The following TMEM44 variants were observed in gnomAD, a reference collection of about 807,000 sequenced individuals.
TMEM44 encodes transmembrane protein 44.
A neutral mutation model predicts 47.8 loss-of-function variants in TMEM44; 43 were observed. The observed-to-expected ratio is 0.90, with a 90% confidence interval of 0.70 to 1.16. The LOEUF (loss-of-function observed/expected upper bound fraction) is 1.16. Among genes scored for constraint, TMEM44 ranks in the 50% most tolerant of loss-of-function variants. The pLI is 0.00. For synonymous variants in TMEM44, 277 were observed against 238.8 expected (o/e 1.16, Z -1.48); for missense variants, 568 against 555.2 (o/e 1.02, Z -0.23).
At chr3:194,590,127 A>G (rs1712455788) in intron 9 of TMEM44, 1 of 152,246 alleles carries the variant, frequency 6.6e-6, no homozygotes, top group African/African-American at 2.4e-5. Context: ...CAATCCTTAG[A>G]GGTTCCAGCG....
At chr3:194,600,008 C>A (rs1713895176) in intron 9 of TMEM44, among the ~76,000 whole-genome samples, 1 of 151,462 alleles carries the variant, frequency 6.6e-6, no homozygotes, top group Non-Finnish European at 1.5e-5. Context: ...AATCCACCCG[C>A]CTCAGCCTCC....
At chr3:194,621,430 G>A (rs775293417) in intron 5 of TMEM44, among the ~76,000 whole-genome samples, 2 of 152,104 alleles carry the variant, frequency 1.3e-5, no homozygotes, top group Non-Finnish European at 2.9e-5. Flanking sequence ...GTCAGGGCAC[G>A]GTGCCAGCTT....
chr3:194,625,438 G>GC (rs1717045692), intron 3 of TMEM44, among the ~76,000 whole-genome samples: 2 of 124,786 alleles, frequency 1.6e-5, no homozygotes. Context: ...TTTGGGGGGG[G>GC]GGGGTTGTTT....
chr3:194,593,600 G>C (rs964912189), intron 9 of TMEM44, among the ~76,000 whole-genome samples: 1 of 152,098 alleles, frequency 6.6e-6, no homozygotes, highest in Admixed American at 6.6e-5. Context: ...CAGGCATCAC[G>C]TCTGCCCTTG....
At chr3:194,595,278 C>T (rs188133829) in intron 9 of TMEM44, among the ~76,000 whole-genome samples, 2 of 152,296 alleles carry the variant, frequency 1.3e-5, no homozygotes, top group South Asian at 2.1e-4. Context: ...CCACTGCATA[C>T]GGCATTTTAA....
chr3:194,620,045 C>T (rs563429712), intron 5 of TMEM44, among the ~76,000 whole-genome samples: 2 of 152,120 alleles, frequency 1.3e-5, no homozygotes, highest in African/African-American at 4.8e-5. Flanking sequence ...AATCCCAGCA[C>T]TTTGGAAGGC....
chr3:194,623,218 C>A lies in TMEM44; in HGVS notation c.612+6G>T, dbSNP rs751257409. 2 of 1,604,940 alleles carry A rather than the reference C, an allele frequency of 1.2e-6. No homozygotes were observed. The highest frequency in any genetic ancestry group is 2.2e-5 in the South Asian group (2 of 89,208). On this transcript the variant is annotated splice_donor_region_variant and intron_variant, in intron 5 of 9. Coordinates refer to ENST00000347147, the MANE Select transcript of TMEM44 (RefSeq NM_001011655.3). ...CCCACAGTCCCATCCCCACCCCCGG[C>A]CTCACAATTCTGGAGAGAGGGGGGA...
At chr3:194,593,879 T>C (rs900588934) in intron 9 of TMEM44, among the ~76,000 whole-genome samples, 3 of 152,162 alleles carry the variant, frequency 2.0e-5, no homozygotes, top group African/African-American at 7.2e-5. Flanking sequence ...GGCATGGTCA[T>C]AGCCCACTGC....
intron 2 of TMEM44, 46 bp downstream of exon 2, chr3:194,628,337 C>T: frequency 3.2e-6 from 5 of 1,586,222 alleles, no homozygotes; most frequent in Non-Finnish European, 4.3e-6. Flanking sequence ...GGCCAGGCCT[C>T]CCTTAGTGCT....
At chr3:194,625,030 T>C (rs900077986) in intron 3 of TMEM44, among the ~76,000 whole-genome samples, 5 of 152,122 alleles carry the variant, frequency 3.3e-5, no homozygotes, top group African/African-American at 1.2e-4. Context: ...TCATCCCCTC[T>C]TTTTGAACAA....
In TMEM44 at chr3:194,617,083, G is replaced by T; in HGVS notation, c.783+16C>A. The T allele has an allele frequency of 6.7e-7, 1 of 1,493,940 alleles. No homozygotes were observed. Among genetic ancestry groups the T allele is most frequent in the Non-Finnish European group, 8.9e-7 (1 of 1,117,914 alleles). 92.5% of individuals were successfully genotyped at this position (1,493,940 alleles called of 1,614,324 possible). ...CTGGCTGCAAGCAGGGAGCTCCCCA[G>T]GCCTGGGGTGGATACAGCGAGGTCC... On this transcript the variant is annotated intron_variant, in intron 6 of 9. Transcript: ENST00000347147.
Position 194,588,205 on chromosome 3 carries a change from C to T in TMEM44, c.*324G>A, listed in dbSNP as rs6774988. The T allele has an allele frequency of 0.14, 41,145 of 288,386 alleles. 3,401 individuals are homozygous for T. Among genetic ancestry groups the T allele is most frequent in the South Asian group, 0.23 (4,951 of 21,618 alleles). 17.9% of individuals were successfully genotyped at this position (288,386 alleles called of 1,614,324 possible). Reference sequence around the variant, plus strand: ...CCTGGAACCTAGCAGGTATTCCGTTCATGGCTGACTCTCAAGGGAATGAAG... The same window carrying T: ...CCTGGAACCTAGCAGGTATTCCGTTTATGGCTGACTCTCAAGGGAATGAAG... On this transcript the variant is annotated 3_prime_UTR_variant, in exon 10 of 10. Transcript: ENST00000347147.
intron 1 of TMEM44, among the ~76,000 whole-genome samples, chr3:194,630,327 G>A (rs1717659303): frequency 2.0e-5 from 1 of 51,038 alleles, no homozygotes; most frequent in African/African-American, 9.0e-5. Context: ...TTCCATCGGC[G>A]TCACTGATAG....
In TMEM44 at chr3:194,620,323, G is replaced by A. The variant is rs996937775; in HGVS notation, c.612+2901C>T. On this transcript the variant is annotated intron_variant, in intron 5 of 9. Coordinates refer to ENST00000347147, the MANE Select transcript of TMEM44 (RefSeq NM_001011655.3). ...AAAAAAAAAAAAAAATACCAGGAAG[G>A]GCCCACCCCCAACCTCTTCCCTGTC... 1.1e-4 allele frequency among the ~76,000 whole-genome samples: 16 copies of A among 151,446 alleles called. 1 individual carries two copies. The highest frequency in any genetic ancestry group is 9.7e-4 in the East Asian group (5 of 5,160).
intron 9 of TMEM44, among the ~76,000 whole-genome samples, chr3:194,592,535 C>T (rs1229354777): frequency 6.6e-6 from 1 of 152,170 alleles, no homozygotes; most frequent in Admixed American, 6.5e-5. Context: ...CTTGGGCTTA[C>T]CTGAATACCC....
intron 9 of TMEM44, among the ~76,000 whole-genome samples, chr3:194,597,662 A>AG (rs1190229328): frequency 2.0e-4 from 30 of 150,212 alleles, no homozygotes; most frequent in South Asian, 2.1e-4. Context: ...AAAAAAAAAA[A>AG]AAAGAAAAAA....
intron 5 of TMEM44, 155 bp downstream of exon 5, chr3:194,623,069 C>T: frequency 3.0e-6 from 2 of 672,384 alleles, no homozygotes; most frequent in Non-Finnish European, 2.3e-6. Flanking sequence ...CCCCTCCTTG[C>T]TGTCATACAC....
Position 194,625,955 on chromosome 3 carries a change from T to C in TMEM44, c.300A>G (p.Leu100=). The C allele has an allele frequency of 1.2e-6, 2 of 1,613,840 alleles. No individual in the cohort carries two copies. The highest frequency in any genetic ancestry group is 1.7e-6 in the Non-Finnish European group (2 of 1,179,788). ...GGAAGAGAATGAACATAAAGTTCACTAAGTCAATAGCTGCTAGGTAGGCAC... is the reference window on the plus strand; with the variant it reads ...GGAAGAGAATGAACATAAAGTTCACCAAGTCAATAGCTGCTAGGTAGGCAC... The part of the protein sequence containing the change: ...FTGAYLAAID[L]VNFMFILFPV... Residue 100 remains leucine (L), a synonymous_variant, in exon 3 of 10, where the codon TTA becomes TTG. Coordinates refer to ENST00000347147, the MANE Select transcript of TMEM44 (RefSeq NM_001011655.3).
intron 5 of TMEM44, among the ~76,000 whole-genome samples, chr3:194,619,595 C>T (rs930476384): frequency 6.6e-6 from 1 of 152,216 alleles, no homozygotes; most frequent in African/African-American, 2.4e-5. Context: ...TGGGAACTTT[C>T]CCACCAAAGC....
Sources: allele counts gnomAD v4.1 joint callset (sites outside exome capture counted in the v4.1 genomes callset), GRCh38; gene constraint gnomAD v4.1.1; transcripts MANE v1.5; gene names NCBI Gene and HGNC (gene_info 2026-07-23, HGNC 2026-07-21).